The following LARP6 variants were observed in gnomAD, a reference collection of about 807,000 sequenced individuals.
The protein encoded by LARP6 is La ribonucleoprotein 6, translational regulator, also known as la-related protein 6.
LARP6 carries 18 observed loss-of-function variants against 32.8 expected under a neutral mutation model. The ratio of observed to expected loss-of-function variants is 0.55; its 90% CI spans 0.38 to 0.81. The LOEUF (loss-of-function observed/expected upper bound fraction) is 0.81, where lower values mean the gene tolerates loss of function less well. Ranked by LOEUF, LARP6 falls within the 40% of genes least tolerant of loss-of-function variation. The pLI, the probability that LARP6 is intolerant of heterozygous loss-of-function variation, is 0.00. For missense variants in LARP6, 598 were observed against 663.1 expected (o/e 0.90, Z 1.08); for synonymous variants, 289 against 267.2 (o/e 1.08, Z -0.80).
At chr15:70,851,656 T>G (rs1485154441) in intron 1 of LARP6, 1 of 1,613,902 alleles carries the variant, frequency 6.2e-7, no homozygotes, top group Non-Finnish European at 8.5e-7. Flanking sequence ...CTGGGTGCTG[T>G]GCTAGGTGCT....
intron 1 of LARP6, 26 bp from the exon 2 acceptor site, chr15:70,836,531 G>A: frequency 6.3e-7 from 1 of 1,596,214 alleles, no homozygotes. Context: ...GACACCGGGT[G>A]TTAGGGTCAA....
intron 1 of LARP6, among the ~76,000 whole-genome samples, chr15:70,842,590 T>A (rs1329448869): frequency 6.6e-6 from 1 of 152,126 alleles, no homozygotes; most frequent in African/African-American, 2.4e-5. Flanking sequence ...ACAATCTAAC[T>A]TCTCACCTTC....
chr15:70,850,413 A>G (rs2032427096), intron 1 of LARP6, among the ~76,000 whole-genome samples: 1 of 152,254 alleles, frequency 6.6e-6, no homozygotes, highest in African/African-American at 2.4e-5. Flanking sequence ...ATGGGCCAAT[A>G]TCCCTGATGA....
chr15:70,853,797 C>T, intron 1 of LARP6, 92 bp downstream of exon 1: 3 of 971,718 alleles, frequency 3.1e-6, no homozygotes, highest in Non-Finnish European at 4.0e-6. Flanking sequence ...CCCCTCTGCC[C>T]GAGGAGTTGT....
At chr15:70,841,183 G>T (rs563430597) in intron 1 of LARP6, among the ~76,000 whole-genome samples, 1 of 152,186 alleles carries the variant, frequency 6.6e-6, no homozygotes, top group Non-Finnish European at 1.5e-5. Flanking sequence ...AAAGTGCTGG[G>T]ATTACAGGCG....
chr15:70,836,245 C>A (rs1239821711), intron 2 of LARP6, 50 bp downstream of exon 2: 2 of 1,540,790 alleles, frequency 1.3e-6, no homozygotes, highest in South Asian at 1.1e-5. Context: ...AAACCACAAC[C>A]CAAAACAAAC....
intron 1 of LARP6, among the ~76,000 whole-genome samples, chr15:70,852,966 T>A (rs2032515418): frequency 6.6e-6 from 1 of 152,092 alleles, no homozygotes; most frequent in Non-Finnish European, 1.5e-5. Flanking sequence ...TGGGACAGGG[T>A]CCTAGAAGAA....
In LARP6 at chr15:70,836,312, G is replaced by A. The variant is rs373469521; in HGVS notation, c.394C>T (p.Leu132Phe). ...AGCCTCACCTTTTTGAAGGATGTGAGTAGCTTAACGCTCACATATCCCAGC... is the reference window on the plus strand; with the variant it reads ...AGCCTCACCTTTTTGAAGGATGTGAATAGCTTAACGCTCACATATCCCAGC... ...NKLGYVSVKL[L>F]TSFKKVKHLT... Residue 132 changes from leucine (L) to phenylalanine (F), a missense_variant, in exon 2 of 3, where the codon CTC becomes TTC. Around this residue, in one of 3 missense-constraint regions of LARP6, gnomAD observed 69 missense variants for 116.7 expected, o/e 0.59. Transcript: ENST00000299213. The A allele has an allele frequency of 1.2e-6, 2 of 1,614,008 alleles. No homozygotes were observed. The highest frequency in any genetic ancestry group is 2.7e-5 in the African/African-American group (2 of 74,930).
intron 1 of LARP6, chr15:70,851,653 C>T (rs201807681): frequency 4.1e-5 from 66 of 1,613,866 alleles, no homozygotes; most frequent in Middle Eastern, 1.6e-4. Flanking sequence ...GTGCTGGGTG[C>T]TGTGCTAGGT....
chr15:70,851,669 A>C, intron 1 of LARP6: 1 of 1,614,174 alleles, frequency 6.2e-7, no homozygotes. Context: ...TAGGTGCTGA[A>C]GATACAATGA....
At chr15:70,836,537 G>C in intron 1 of LARP6, 32 bp from the exon 2 acceptor site, 1 of 1,580,764 alleles carries the variant, frequency 6.3e-7, no homozygotes, top group South Asian at 1.1e-5. Flanking sequence ...GGGTGTTAGG[G>C]TCAACGTTGA....
Position 70,832,169 on chromosome 15 carries a change from C to A in LARP6, c.1359G>T (p.Leu453=). ...CTGCAGTCTGCATCTTCCGGGAGAG[C>A]AGGGGACTCGTACCGGGGCTTTTCT... ...TQEKSPGTSP[L]LSRKMQTADG... The change falls in exon 3 of 3, where the codon CTG becomes CTT. Residue 453 remains leucine, a synonymous_variant. Transcript: ENST00000299213. 6.2e-7 allele frequency: 1 copy of A among 1,613,690 alleles called. No homozygotes were observed. The highest frequency in any genetic ancestry group is 1.3e-5 in the African/African-American group (1 of 75,058).
chr15:70,849,391 A>C (rs1366426680), intron 1 of LARP6: 1 of 156,336 alleles, frequency 6.4e-6, no homozygotes, highest in Non-Finnish European at 1.4e-5. Context: ...AAACAAACAA[A>C]AAAATATATA....
At chr15:70,837,003 A>G (rs1038891989) in intron 1 of LARP6, among the ~76,000 whole-genome samples, 4 of 152,172 alleles carry the variant, frequency 2.6e-5, no homozygotes, top group Non-Finnish European at 5.9e-5. Context: ...ACTGGGTCAC[A>G]TGGCCACAGA....
intron 1 of LARP6, among the ~76,000 whole-genome samples, chr15:70,841,649 T>C (rs2032261148): frequency 6.6e-6 from 1 of 152,130 alleles, no homozygotes; most frequent in Non-Finnish European, 1.5e-5. Context: ...TCATAAGACC[T>C]GGTCATTTAA....
intron 2 of LARP6, among the ~76,000 whole-genome samples, chr15:70,834,381 T>A (rs1259305280): frequency 6.6e-6 from 1 of 151,404 alleles, no homozygotes; most frequent in Non-Finnish European, 1.5e-5. Flanking sequence ...GTGGACAGAG[T>A]CCATGAGGAA....
rs779488566 is a variant in LARP6 at position 70,836,346 on chromosome 15, C to T, written c.360G>A (p.Arg120=). ...EKDAFLLKHV[R]RNKLGYVSVK... is the part of the protein sequence containing the mutation. ...CGCTCACATATCCCAGCTTGTTCCT[C>T]CTCACGTGTTTTAGCAAAAAGGCGT... The change falls in exon 2 of 3, where the codon AGG becomes AGA. Residue 120 remains arginine, a synonymous_variant. Coordinates refer to ENST00000299213, the MANE Select transcript of LARP6 (RefSeq NM_018357.4). 3.7e-5 allele frequency: 60 copies of T among 1,614,026 alleles called. No individual in the cohort carries two copies. The South Asian group carries it at 6.1e-4, about 17-fold the overall frequency.
chr15:70,839,051 G>A (rs1161359605), intron 1 of LARP6, among the ~76,000 whole-genome samples: 1 of 152,160 alleles, frequency 6.6e-6, no homozygotes, highest in African/African-American at 2.4e-5. Context: ...TAAAATATAG[G>A]CATTGGTTGA....
At chr15:70,851,445 C>A in intron 1 of LARP6, 1 of 1,273,194 alleles carries the variant, frequency 7.9e-7, no homozygotes, top group South Asian at 2.7e-5. Context: ...GCTGTAAAGA[C>A]TTTTCTTTAT....
Sources: allele counts gnomAD v4.1 joint callset (sites outside exome capture counted in the v4.1 genomes callset), GRCh38; gene constraint gnomAD v4.1.1; regional missense constraint gnomAD v4.1.1; transcripts MANE v1.5; gene names NCBI Gene and HGNC (gene_info 2026-07-23, HGNC 2026-07-21).